The following FBLN1 variants were observed in gnomAD, a reference collection of about 807,000 sequenced individuals.
FBLN1 encodes the protein fibulin 1, also known as fibulin-1.
A neutral mutation model predicts 89.7 loss-of-function variants in FBLN1; 34 were observed. The ratio of observed to expected loss-of-function variants is 0.38; its 90% CI spans 0.29 to 0.50. FBLN1 has a LOEUF of 0.50. FBLN1 is among the 20% of genes least tolerant of loss of function. FBLN1 has a pLI of 0.92. For synonymous variants in FBLN1, 393 were observed against 391.3 expected (o/e 1.00, Z -0.05); for missense variants, 777 against 988.1 (o/e 0.79, Z 2.86).
rs1428047472 is a variant in FBLN1, at chr22:45,578,454, G to C, written c.1972+1346G>C. On this transcript the variant is annotated intron_variant, in intron 16 of 16. Transcript: ENST00000327858. The surrounding 1 kb of genome is among the most constrained non-coding windows in gnomAD (Gnocchi z 4.6). ...GCATTAGCCCTCGCGTGATTCCAAGGGGAAGGCGCATGGTTTGGTTGTCGG... is the reference window on the plus strand; with the variant it reads ...GCATTAGCCCTCGCGTGATTCCAAGCGGAAGGCGCATGGTTTGGTTGTCGG... The C allele has an allele frequency of 6.6e-6, 1 of 152,214 alleles. No individual in the cohort carries two copies. Among genetic ancestry groups the C allele is most frequent in the Non-Finnish European group, 1.5e-5 (1 of 68,036 alleles). 9.4% of individuals were successfully genotyped at this position (152,214 alleles called of 1,614,324 possible).
intron 1 of FBLN1, among the ~76,000 whole-genome samples, chr22:45,504,599 C>T (rs551693584): frequency 3.8e-4 from 58 of 152,068 alleles, no homozygotes; most frequent in African/African-American, 1.3e-3. Context: ...CCGATTGTGT[C>T]GATGAGGAAG....
In FBLN1 at chr22:45,532,584, C is replaced by T. The variant is rs1201882946; in HGVS notation, c.545-479C>T. Among the ~76,000 whole-genome samples, 2 of 152,110 alleles carry T rather than the reference C, an allele frequency of 1.3e-5. No individual in the cohort carries two copies. Among genetic ancestry groups the T allele is most frequent in the African/African-American group, 4.8e-5 (2 of 41,400 alleles). On this transcript the variant is annotated intron_variant, in intron 5 of 16. Coordinates refer to ENST00000327858, the MANE Select transcript of FBLN1 (RefSeq NM_006486.3). The surrounding 1 kb of genome is among the most constrained non-coding windows in gnomAD (Gnocchi z 4.2). ...GGTTGTGGGGTGCTTCTGGGCTATGCAGAAAGACCAGGTAGGAGGCTGTGG... is the reference window on the plus strand; with the variant it reads ...GGTTGTGGGGTGCTTCTGGGCTATGTAGAAAGACCAGGTAGGAGGCTGTGG...
chr22:45,518,960 C>T (rs2146950994), intron 2 of FBLN1, among the ~76,000 whole-genome samples, 173 bp downstream of exon 2: 1 of 152,294 alleles, frequency 6.6e-6, no homozygotes, highest in Non-Finnish European at 1.5e-5. Context: ...CTGGCACCGG[C>T]CTGGCACCGG....
chr22:45,591,026 C>T (rs1381793959), intron 16 of FBLN1, among the ~76,000 whole-genome samples: 1 of 152,116 alleles, frequency 6.6e-6, no homozygotes, highest in African/African-American at 2.4e-5. Flanking sequence ...GATTTCTTAT[C>T]CCTCTAGTCT....
intron 1 of FBLN1, 120 bp from the exon 2 acceptor site, chr22:45,518,562 C>A: frequency 1.3e-6 from 1 of 763,856 alleles, no homozygotes; most frequent in Non-Finnish European, 2.3e-6. Context: ...AAGGGATGTG[C>A]CCCCAGCCTG....
chr22:45,503,211 G>A (rs1424589778), intron 1 of FBLN1, 147 bp downstream of exon 1: 2 of 326,152 alleles, frequency 6.1e-6, no homozygotes, highest in East Asian at 6.4e-5. Flanking sequence ...AGGCCTCGGC[G>A]ACGCCCCCCT....
In FBLN1 at chr22:45,597,432, A is replaced by C. The variant is rs1329624360; in HGVS notation, c.1973-2875A>C. Among the ~76,000 whole-genome samples the C allele has an allele frequency of 6.6e-6, 1 of 152,184 alleles. No homozygotes were observed. The highest frequency in any genetic ancestry group is 1.5e-5 in the Non-Finnish European group (1 of 68,032). On this transcript the variant is annotated intron_variant, in intron 16 of 16. Coordinates refer to ENST00000327858, the MANE Select transcript of FBLN1 (RefSeq NM_006486.3). This position sits in a 1 kb window ranked among gnomAD's most constrained non-coding sequence, Gnocchi z 4.2. ...CTGAATGCCAGGAAGGGTGGTAAGAAGTGTCTCTGCGCCTAGTACCAGTAA... is the reference window on the plus strand; with the variant it reads ...CTGAATGCCAGGAAGGGTGGTAAGACGTGTCTCTGCGCCTAGTACCAGTAA...
At chr22:45,586,744 G>A (rs1166615533) in intron 16 of FBLN1, among the ~76,000 whole-genome samples, 1 of 152,222 alleles carries the variant, frequency 6.6e-6, no homozygotes, top group Non-Finnish European at 1.5e-5. Context: ...GTAAGCAGGT[G>A]TTTCGGAAGG....
chr22:45,585,532 C>T (rs1240536656), intron 16 of FBLN1, among the ~76,000 whole-genome samples: 1 of 152,242 alleles, frequency 6.6e-6, no homozygotes, highest in Non-Finnish European at 1.5e-5. Context: ...GAGTGATTGC[C>T]CTGTCCTGGC....
At position 45,523,301 on chromosome 22, in the gene FBLN1, G is replaced by C. The variant is rs2088275969; in HGVS notation, c.186-2242G>C. On this transcript the variant is annotated intron_variant, in intron 2 of 16. Transcript: ENST00000327858. ...GATACAAGGGTAACCAGGTGGCTGA[G>C]GGGGCCATGAGATAGAGGCTGGGGT... 4 of 598,076 alleles carry C rather than the reference G, an allele frequency of 6.7e-6. No individual in the cohort carries two copies. The South Asian group carries it at 8.5e-5, about 13-fold the overall frequency. The allele number at this position is 598,076 out of a possible 1,614,324, so 37.0% of individuals were successfully genotyped here.
Position 45,548,722 on chromosome 22 carries a change from C to T in FBLN1, c.1551C>T (p.Ala517=). 4 of 1,613,394 alleles carry T rather than the reference C, an allele frequency of 2.5e-6. No individual in the cohort carries two copies. The highest frequency in any genetic ancestry group is 2.5e-6 in the Non-Finnish European group (3 of 1,180,008). ...GCCCCTCGTCTGGCTACAGGCTGGC[C>T]CCCAATGGCCGCAACTGCCAAGGTG... ...CSCPSSGYRL[A]PNGRNCQDID... The change falls in exon 13 of 17, where the codon GCC becomes GCT. Residue 517 remains alanine (A), a synonymous_variant. Coordinates refer to ENST00000327858, the MANE Select transcript of FBLN1 (RefSeq NM_006486.3).
At position 45,548,720 on chromosome 22, in the gene FBLN1, G is replaced by T. The variant is rs765210975; in HGVS notation, c.1549G>T (p.Ala517Ser). 1 of 1,613,256 alleles carries T rather than the reference G, an allele frequency of 6.2e-7. No homozygotes were observed. Among genetic ancestry groups the T allele is most frequent in the Non-Finnish European group, 8.5e-7 (1 of 1,180,018 alleles). The change falls in exon 13 of 17, where the codon GCC becomes TCC. Residue 517 changes from alanine (A) to serine (S), a missense_variant. By Grantham distance (99) the Ala-to-Ser change is moderately conservative. Coordinates refer to ENST00000327858, the MANE Select transcript of FBLN1 (RefSeq NM_006486.3). Reference protein sequence around the residue: ...CSCPSSGYRLAPNGRNCQDID... With the variant: ...CSCPSSGYRLSPNGRNCQDID... ...CTGCCCCTCGTCTGGCTACAGGCTGGCCCCCAATGGCCGCAACTGCCAAGG... is the reference window on the plus strand; with the variant it reads ...CTGCCCCTCGTCTGGCTACAGGCTGTCCCCCAATGGCCGCAACTGCCAAGG...
chr22:45,516,649 G>A (rs1303297451), intron 1 of FBLN1, among the ~76,000 whole-genome samples: 2 of 152,066 alleles, frequency 1.3e-5, no homozygotes, highest in Non-Finnish European at 2.9e-5. Context: ...GGACACCTGA[G>A]GTGGGAGGGG....
chr22:45,505,566 C>T lies in FBLN1; in HGVS notation c.79+2502C>T, dbSNP rs117972632. ...GGTGTGTAGGGCAGGAGTAGGGGCA[C>T]GCGGCTGACTCATCTTCAGGTCCTG... On this transcript the variant is annotated intron_variant, in intron 1 of 16. Transcript: ENST00000327858. Among the ~76,000 whole-genome samples, 467 of 152,188 alleles carry T rather than the reference C, an allele frequency of 3.1e-3. 12 individuals are homozygous for T. The East Asian group carries it at 0.041, about 13-fold the overall frequency.
chr22:45,533,910 G>A lies in FBLN1; in HGVS notation c.784+12G>A, dbSNP rs370004105. On this transcript the variant is annotated intron_variant, in intron 7 of 16. Transcript: ENST00000327858. ...CAATAGCTGCAAAGGTACAGCATGC[G>A]CTCCGAGTCTGCAAACCTGGTCTTC... is the stretch of plus-strand genomic sequence containing the variant. 43 of 1,613,534 alleles carry A rather than the reference G, an allele frequency of 2.7e-5. No homozygotes were observed. Among genetic ancestry groups the A allele is most frequent in the Non-Finnish European group, 3.5e-5 (41 of 1,179,932 alleles).
chr22:45,566,137 C>T (rs2088899909), intron 14 of FBLN1, among the ~76,000 whole-genome samples: 1 of 152,172 alleles, frequency 6.6e-6, no homozygotes, highest in Non-Finnish European at 1.5e-5. Context: ...ATTCAGGCAT[C>T]CATTTGTCAG....
Position 45,537,286 on chromosome 22 carries a change from C to T in FBLN1, c.922+1949C>T, listed in dbSNP as rs776695841. Among the ~76,000 whole-genome samples the T allele has an allele frequency of 6.6e-6, 1 of 152,158 alleles. No individual in the cohort carries two copies. The highest frequency in any genetic ancestry group is 1.5e-5 in the Non-Finnish European group (1 of 68,024). On this transcript the variant is annotated intron_variant, in intron 8 of 16. Transcript: ENST00000327858. This position sits in a 1 kb window ranked among gnomAD's most constrained non-coding sequence, Gnocchi z 5.7. ...ATAGTGGTTTGGAGAGAGAGCTCTT[C>T]CCCCACTGCATTATTTTTAACCACT...
intron 1 of FBLN1, among the ~76,000 whole-genome samples, chr22:45,509,355 C>T (rs2088067700): frequency 6.6e-6 from 1 of 152,202 alleles, no homozygotes; most frequent in African/African-American, 2.4e-5. Context: ...TGCTCCTTCT[C>T]TCTTGCTGCC....
chr22:45,589,567 G>A (rs750160728), intron 16 of FBLN1, among the ~76,000 whole-genome samples: 2 of 152,208 alleles, frequency 1.3e-5, no homozygotes, highest in Non-Finnish European at 2.9e-5. Flanking sequence ...CTGCAGCAGG[G>A]GGCCCCTTTC....
Sources: allele counts gnomAD v4.1 joint callset (sites outside exome capture counted in the v4.1 genomes callset), GRCh38; gene constraint gnomAD v4.1.1; non-coding constraint Gnocchi (gnomAD v3.1); transcripts MANE v1.5; gene names NCBI Gene and HGNC (gene_info 2026-07-23, HGNC 2026-07-21).